Variants in SEPTIN9 observed in about 807,000 individuals in gnomAD.
The protein encoded by SEPTIN9 is septin-9.
A neutral mutation model predicts 56.6 loss-of-function variants in SEPTIN9; 13 were observed. The ratio of observed to expected loss-of-function variants is 0.23; its 90% CI spans 0.15 to 0.37. SEPTIN9 has a LOEUF of 0.37. SEPTIN9 is among the 10% of genes least tolerant of loss of function. The pLI is 1.00. For synonymous variants in SEPTIN9, 332 were observed against 334.1 expected (o/e 0.99, Z 0.07); for missense variants, 650 against 823.1 (o/e 0.79, Z 2.57).
chr17:77,348,297 T>A lies in SEPTIN9; in HGVS notation c.76+41100T>A, dbSNP rs1163771950. ...TTAGAATTCTATTTTAATTTATGTT[T>A]TTTTTTTTTTTTTTTTTTTAAGACA... On this transcript the variant is annotated intron_variant, in intron 2 of 11. Coordinates refer to ENST00000427177, the MANE Select transcript of SEPTIN9 (RefSeq NM_001113491.2). 3.4e-3 allele frequency among the ~76,000 whole-genome samples: 490 copies of A among 142,060 alleles called. 5 individuals carry two copies. The highest frequency in any genetic ancestry group is 0.012 in the African/African-American group (461 of 38,664). The allele number at this position is 142,060 out of a possible 152,430, so 93.2% of individuals were successfully genotyped here.
chr17:77,307,311 G>A (rs2032310378), intron 2 of SEPTIN9, 114 bp downstream of exon 2: 2 of 970,600 alleles, frequency 2.1e-6, no homozygotes, highest in Admixed American at 3.5e-5. Context: ...GATGAGTGGG[G>A]CCACTTGCCC....
chr17:77,367,318 C>T lies in SEPTIN9; in HGVS notation c.77-34741C>T, dbSNP rs1459773835. ...CAGGTCTGCTTGGTGGCTGGCAGAA[C>T]GCACATGAAGAATCCATGTGTGTTC... On this transcript the variant is annotated intron_variant, in intron 2 of 11. Coordinates refer to ENST00000427177, the MANE Select transcript of SEPTIN9 (RefSeq NM_001113491.2). The surrounding 1 kb of genome is among the most constrained non-coding windows in gnomAD (Gnocchi z 4.5). Among the ~76,000 whole-genome samples the T allele has an allele frequency of 1.3e-4, 20 of 152,170 alleles. No homozygotes were observed. Among genetic ancestry groups the T allele is most frequent in the Admixed American group, 1.1e-3 (17 of 15,286 alleles).
Position 77,400,896 on chromosome 17 carries a change from G to A in SEPTIN9, c.77-1163G>A, listed in dbSNP as rs572189742. Among the ~76,000 whole-genome samples, 1 of 152,282 alleles carries A rather than the reference G, an allele frequency of 6.6e-6. No individual in the cohort carries two copies. The highest frequency in any genetic ancestry group is 6.5e-5 in the Admixed American group (1 of 15,302). On this transcript the variant is annotated intron_variant, in intron 2 of 11. Coordinates refer to ENST00000427177, the MANE Select transcript of SEPTIN9 (RefSeq NM_001113491.2). The surrounding 1 kb of genome is among the most constrained non-coding windows in gnomAD (Gnocchi z 4.1). ...TGCGGTTGTGGGGACTGTGGAGGTG[G>A]CAGCTTCCCAGGTACCATCCCCACT...
chr17:77,386,145 T>C (rs935927615), intron 2 of SEPTIN9, among the ~76,000 whole-genome samples: 1 of 152,196 alleles, frequency 6.6e-6, no homozygotes, highest in Admixed American at 6.5e-5. Flanking sequence ...GCAGCCATGC[T>C]GGGGATAACT....
intron 2 of SEPTIN9, among the ~76,000 whole-genome samples, chr17:77,388,922 G>A (rs938596144): frequency 6.7e-6 from 1 of 148,538 alleles, no homozygotes; most frequent in Non-Finnish European, 1.5e-5. Context: ...AGGCAGATCA[G>A]GAATGGTCAC....
At chr17:77,284,619 T>A (rs1016483089) in intron 1 of SEPTIN9, among the ~76,000 whole-genome samples, 12 of 152,174 alleles carry the variant, frequency 7.9e-5, no homozygotes, top group African/African-American at 2.9e-4. Context: ...TGTGTGGTGT[T>A]TTTTAATTTT....
In SEPTIN9 at chr17:77,367,841, AAAT is replaced by A. The variant is rs1452862427; in HGVS notation, c.77-34206_77-34204del. Among the ~76,000 whole-genome samples the A allele has an allele frequency of 9.2e-5, 14 of 152,106 alleles. No individual in the cohort carries two copies. The East Asian group carries it at 1.5e-3, about 17-fold the overall frequency. On this transcript the variant is annotated intron_variant, in intron 2 of 11. Coordinates refer to ENST00000427177, the MANE Select transcript of SEPTIN9 (RefSeq NM_001113491.2). The surrounding 1 kb of genome is among the most constrained non-coding windows in gnomAD (Gnocchi z 4.5). ...ATAATAATAATGCTAATAATAAATAAAATAATAATAATAAAATAATAAAAGCAA... is the reference window on the plus strand; with the variant it reads ...ATAATAATAATGCTAATAATAAATAAAATAATAATAAAATAATAAAAGCAA...
intron 3 of SEPTIN9, among the ~76,000 whole-genome samples, chr17:77,463,743 C>T (rs1179365919): frequency 7.9e-5 from 12 of 151,796 alleles, no homozygotes; most frequent in South Asian, 2.1e-4. Context: ...CTTGGGAGGC[C>T]GAGGCCGGAG....
At position 77,439,572 on chromosome 17, in the gene SEPTIN9, G is replaced by A. The variant is rs560201403; in HGVS notation, c.721+36869G>A. On this transcript the variant is annotated intron_variant, in intron 3 of 11. Coordinates refer to ENST00000427177, the MANE Select transcript of SEPTIN9 (RefSeq NM_001113491.2). Reference sequence around the variant, plus strand: ...AGCAGCTTGCAGGACTTGGGCTGTTGCCTGTGGCCCTGAAACAGTCATTTT... The same window carrying A: ...AGCAGCTTGCAGGACTTGGGCTGTTACCTGTGGCCCTGAAACAGTCATTTT... Among the ~76,000 whole-genome samples, 12 of 152,320 alleles carry A rather than the reference G, an allele frequency of 7.9e-5. No homozygotes were observed. In the East Asian group the frequency reaches 2.1e-3, roughly 27 times the overall value.
intron 4 of SEPTIN9, among the ~76,000 whole-genome samples, chr17:77,484,411 G>A (rs1201190949): frequency 4.2e-5 from 6 of 141,680 alleles, no homozygotes; most frequent in African/African-American, 1.4e-4. Context: ...GTGGTGGGAT[G>A]GTAGTGATGA....
At chr17:77,428,893 C>T (rs1046780636) in intron 3 of SEPTIN9, 5 of 415,286 alleles carry the variant, frequency 1.2e-5, no homozygotes, top group South Asian at 7.1e-5. Context: ...TTTGCCTCAT[C>T]GTATGTAAAT....
At position 77,435,825 on chromosome 17, in the gene SEPTIN9, A is replaced by T. The variant is rs1375897832; in HGVS notation, c.721+33122A>T. ...GTGAATGCAGCAGCGCAAGCTTGCC[A>T]GCGCCGCACTGCGGGATCTGGAGGC... On this transcript the variant is annotated intron_variant, in intron 3 of 11. Transcript: ENST00000427177. This position sits in a 1 kb window ranked among gnomAD's most constrained non-coding sequence, Gnocchi z 4.5. Among the ~76,000 whole-genome samples, 1 of 152,350 alleles carries T rather than the reference A, an allele frequency of 6.6e-6. No homozygotes were observed. The highest frequency in any genetic ancestry group is 1.9e-4 in the East Asian group (1 of 5,178).
chr17:77,409,490 A>C (rs901660912), intron 3 of SEPTIN9, among the ~76,000 whole-genome samples: 20 of 125,830 alleles, frequency 1.6e-4, no homozygotes, highest in Non-Finnish European at 3.2e-4. Context: ...GAATACCTTA[A>C]ATAGAGCGCA....
intron 3 of SEPTIN9, among the ~76,000 whole-genome samples, chr17:77,460,550 T>C (rs1158409753): frequency 1.3e-5 from 2 of 152,144 alleles, no homozygotes; most frequent in African/African-American, 4.8e-5. Flanking sequence ...TGGCTGGGGT[T>C]TGGGATACGG....
At chr17:77,419,474 G>C (rs1439496641) in intron 3 of SEPTIN9, among the ~76,000 whole-genome samples, 1 of 152,110 alleles carries the variant, frequency 6.6e-6, no homozygotes, top group Non-Finnish European at 1.5e-5. Flanking sequence ...AAGAGGGGCC[G>C]TAATCAGCAG....
chr17:77,492,820 G>C lies in SEPTIN9; in HGVS notation c.1476+104G>C. On this transcript the variant is annotated intron_variant, in intron 9 of 11. Coordinates refer to ENST00000427177, the MANE Select transcript of SEPTIN9 (RefSeq NM_001113491.2). This position sits in a 1 kb window ranked among gnomAD's most constrained non-coding sequence, Gnocchi z 5.4. The stretch of plus-strand genomic sequence containing the variant: ...TTAAGCCATGAAATTATATTCTTGG[G>C]GCCAGAGGGCACTGAGCCCAGGTGT... 1.6e-6 allele frequency: 2 copies of C among 1,262,762 alleles called. No homozygotes were observed. Among genetic ancestry groups the C allele is most frequent in the East Asian group, 2.3e-5 (1 of 43,218 alleles). 78.2% of individuals were successfully genotyped at this position (1,262,762 alleles called of 1,614,324 possible). A position where few individuals can be genotyped will look rare whatever the true frequency, so the allele number is the denominator to read the frequency against.
Position 77,498,796 on chromosome 17 carries a change from A to C in SEPTIN9, c.*138A>C. 1.6e-6 allele frequency: 1 copy of C among 635,626 alleles called. No individual in the cohort carries two copies. Among genetic ancestry groups the C allele is most frequent in the Non-Finnish European group, 2.8e-6 (1 of 351,656 alleles). 39.4% of individuals were successfully genotyped at this position (635,626 alleles called of 1,614,324 possible). On this transcript the variant is annotated 3_prime_UTR_variant, in exon 12 of 12. Transcript: ENST00000427177. ...CCACCCCTTCGACATGCTGCCAGGA[A>C]ACAAGGGAAGGGGCCTCCCTCCGAG... is the stretch of plus-strand genomic sequence containing the variant.
chr17:77,339,712 G>A (rs1346419386), intron 2 of SEPTIN9, among the ~76,000 whole-genome samples: 1 of 151,886 alleles, frequency 6.6e-6, no homozygotes, highest in African/African-American at 2.4e-5. Context: ...GTTTCACCAT[G>A]TTGGCCAGGC....
In SEPTIN9 at chr17:77,436,887, G is replaced by A. The variant is rs188541209; in HGVS notation, c.721+34184G>A. Among the ~76,000 whole-genome samples the A allele has an allele frequency of 5.2e-5, 8 of 152,394 alleles. No homozygotes were observed. Among genetic ancestry groups the A allele is most frequent in the African/African-American group, 1.9e-4 (8 of 41,600 alleles). On this transcript the variant is annotated intron_variant, in intron 3 of 11. Transcript: ENST00000427177. The surrounding 1 kb of genome is among the most constrained non-coding windows in gnomAD (Gnocchi z 4.4). ...GCCGTAAGTGTTTCTCAGGCAGGAG[G>A]GTGCCGAAGCATTGGGAAGCTGGGA...
Sources: allele counts gnomAD v4.1 joint callset (sites outside exome capture counted in the v4.1 genomes callset), GRCh38; gene constraint gnomAD v4.1.1; non-coding constraint Gnocchi (gnomAD v3.1); transcripts MANE v1.5; gene names NCBI Gene and HGNC (gene_info 2026-07-23, HGNC 2026-07-21).